Variants in ANK1 observed in about 807,000 individuals in gnomAD.
ANK1 encodes the protein ankyrin-1.
A neutral mutation model predicts 210.4 loss-of-function variants in ANK1; 51 were observed. The observed-to-expected ratio is 0.24, with a 90% confidence interval of 0.19 to 0.31. The LOEUF is 0.31. Ranked by LOEUF, ANK1 falls within the 10% of genes least tolerant of loss-of-function variation. The probability of loss-of-function intolerance (pLI) is 1.00; values close to 1 mark genes in which losing one functional copy is unlikely to be tolerated. For synonymous variants in ANK1, 967 were observed against 1,025.9 expected (o/e 0.94, Z 1.10); for missense variants, 2,051 against 2,504.4 (o/e 0.82, Z 3.86).
chr8:41,683,818 G>A (rs1040372854), intron 37 of ANK1, among the ~76,000 whole-genome samples: 1 of 152,166 alleles, frequency 6.6e-6, no homozygotes, highest in Non-Finnish European at 1.5e-5. Flanking sequence ...GGAAGGTGTT[G>A]CGAGGGGGCC....
Position 41,704,957 on chromosome 8 carries a change from C to T in ANK1, c.2098-485G>A, listed in dbSNP as rs1284312613. ...TGGGGATGTGGAGTCATGGTCACTC[C>T]AATGACAACAGGTTTTTTCCATTAG... is the stretch of plus-strand genomic sequence containing the variant. On this transcript the variant is annotated intron_variant, in intron 18 of 42. Coordinates refer to ENST00000289734, the MANE Select transcript of ANK1 (RefSeq NM_000037.4). The surrounding 1 kb of genome is among the most constrained non-coding windows in gnomAD (Gnocchi z 4.1). 6.6e-6 allele frequency among the ~76,000 whole-genome samples: 1 copy of T among 152,044 alleles called. No individual in the cohort carries two copies. Among genetic ancestry groups the T allele is most frequent in the East Asian group, 1.9e-4 (1 of 5,186 alleles).
chr8:41,846,885 A>T (rs78407017), intron 1 of ANK1, among the ~76,000 whole-genome samples: 1,737 of 152,220 alleles, frequency 0.011, 39 homozygotes, highest in African/African-American at 0.038. Flanking sequence ...GGTCTGTTCC[A>T]CATGGCCCGG....
intron 1 of ANK1, among the ~76,000 whole-genome samples, chr8:41,764,679 A>G (rs1019869973): frequency 6.6e-6 from 1 of 151,848 alleles, no homozygotes; most frequent in African/African-American, 2.4e-5. Flanking sequence ...TCCCCTCCTC[A>G]TCTCTAGCTT....
chr8:41,845,945 A>G (rs1809970315), intron 1 of ANK1, among the ~76,000 whole-genome samples: 1 of 152,034 alleles, frequency 6.6e-6, no homozygotes, highest in African/African-American at 2.4e-5. Context: ...TTTTCCCCCT[A>G]CCTTCTCTCC....
intron 1 of ANK1, among the ~76,000 whole-genome samples, chr8:41,841,698 T>G (rs78767379): frequency 0.015 from 2,257 of 151,616 alleles, 51 homozygotes; most frequent in African/African-American, 0.05. Context: ...CACACAGGGG[T>G]TTTTTTTTGT....
chr8:41,847,227 C>T (rs577232280), intron 1 of ANK1, among the ~76,000 whole-genome samples: 5 of 152,294 alleles, frequency 3.3e-5, no homozygotes, highest in African/African-American at 1.2e-4. Flanking sequence ...TAATGTGAAC[C>T]AGCTGGCTTT....
rs56138651 is a variant in ANK1, at chr8:41,663,114, CTGTGTG to C, written c.5478+539_5478+544del. 6.8e-4 allele frequency among the ~76,000 whole-genome samples: 99 copies of C among 145,234 alleles called. No homozygotes were observed. In the East Asian group the frequency reaches 0.013, roughly 18 times the overall value. ...TGTGTGTGTGTCTCTCTCTCTCTCTCTGTGTGTGTGTGTGTGTGTGTGTGTGTATTT... is the reference window on the plus strand; with the variant it reads ...TGTGTGTGTGTCTCTCTCTCTCTCTCTGTGTGTGTGTGTGTGTGTGTATTT... On this transcript the variant is annotated intron_variant, in intron 40 of 42. Transcript: ENST00000289734.
chr8:41,781,354 C>G (rs1563753685), intron 1 of ANK1, among the ~76,000 whole-genome samples: 1 of 152,244 alleles, frequency 6.6e-6, no homozygotes, highest in East Asian at 1.9e-4. Flanking sequence ...CATTCCCCAA[C>G]TGGAAGGGCT....
intron 1 of ANK1, among the ~76,000 whole-genome samples, chr8:41,817,645 GT>G (rs1190546226): frequency 1.3e-5 from 2 of 152,208 alleles, no homozygotes; most frequent in Non-Finnish European, 2.9e-5. Context: ...GTCTAGAAAA[GT>G]TTTAATAAAC....
rs753549136 is a variant in ANK1 at position 41,699,636 on chromosome 8, T to TG, written c.2462-89dup. The TG allele has an allele frequency of 1.3e-4, 165 of 1,264,170 alleles. No individual in the cohort carries two copies. The East Asian group carries it at 3.7e-3, about 28-fold the overall frequency. The allele number at this position is 1,264,170 out of a possible 1,614,324, so 78.3% of individuals were successfully genotyped here. On this transcript the variant is annotated intron_variant, in intron 22 of 42. Coordinates refer to ENST00000289734, the MANE Select transcript of ANK1 (RefSeq NM_000037.4). ...AAAAGCTCTGTTCCCGCTCCGCCTC[T>TG]GGGGGCTTGCTCCTGAGGAGTGGGG...
At chr8:41,797,780 G>T (rs1415795425), upstream of ANK1, among the ~76,000 whole-genome samples, 1 of 152,026 alleles carries the variant, frequency 6.6e-6, no homozygotes, top group Non-Finnish European at 1.5e-5. This position sits in a 1 kb window ranked among gnomAD's most constrained non-coding sequence, Gnocchi z 4.0. Context: ...ACCCCAGGAG[G>T]CCCCGCTCCC....
chr8:41,726,124 C>CCATCTCCT (rs1232728446), intron 5 of ANK1, among the ~76,000 whole-genome samples, 178 bp from the exon 6 acceptor site: 1 of 152,254 alleles, frequency 6.6e-6, no homozygotes. Flanking sequence ...CTCCCTGAAG[C>CCATCTCCT]CCTTCCTGCC....
chr8:41,748,665 C>T (rs980523455), intron 2 of ANK1, among the ~76,000 whole-genome samples: 2 of 152,192 alleles, frequency 1.3e-5, no homozygotes, highest in African/African-American at 2.4e-5. Flanking sequence ...AGACAAGAAA[C>T]GACATAAGGG....
intron 42 of ANK1, among the ~76,000 whole-genome samples, chr8:41,657,947 T>C (rs1241871690): frequency 6.6e-6 from 1 of 152,204 alleles, no homozygotes; most frequent in Non-Finnish European, 1.5e-5. Context: ...AGTGGTATAA[T>C]CATAGCTCAC....
In ANK1 at chr8:41,690,553, A is replaced by T. The variant is rs779805849; in HGVS notation, c.3905T>A (p.Val1302Glu). 5.6e-5 allele frequency: 90 copies of T among 1,613,834 alleles called. No individual in the cohort carries two copies. Among genetic ancestry groups the T allele is most frequent in the Non-Finnish European group, 4.2e-6 (5 of 1,179,916 alleles). The change falls in exon 32 of 43, where the codon GTG (valine) becomes GAG (glutamate). Residue 1302 changes from valine to glutamate, a missense_variant. By Grantham distance (121) the Val-to-Glu change is moderately radical (BLOSUM62 -2). Around this residue, in one of 6 missense-constraint regions of ANK1, gnomAD observed 1,413 missense variants for 1,707.4 expected, o/e 0.83. Coordinates refer to ENST00000289734, the MANE Select transcript of ANK1 (RefSeq NM_000037.4). ...SLFAELSGNL[V>E]PVKKAAQQRS... ...CTGCTGGGCAGCTTTCTTCACAGGC[A>T]CCAGGTTCCCAGAGAGTTCTGCAAA...
intron 1 of ANK1, among the ~76,000 whole-genome samples, chr8:41,804,234 G>A (rs1254471281): frequency 6.6e-6 from 1 of 152,114 alleles, no homozygotes; most frequent in Non-Finnish European, 1.5e-5. Context: ...CTCACCTCAT[G>A]GACCTCCCAT....
At chr8:41,856,655 G>A in intron 1 of ANK1, among the ~76,000 whole-genome samples, 1 of 152,106 alleles carries the variant, frequency 6.6e-6, no homozygotes, top group East Asian at 1.9e-4. Flanking sequence ...GGAACATTTT[G>A]AGTGCCAACA....
rs181192401 is a variant in ANK1 at position 41,762,945 on chromosome 8, C to T, written c.28-4808G>A. On this transcript the variant is annotated intron_variant, in intron 1 of 42. Coordinates refer to ENST00000289734, the MANE Select transcript of ANK1 (RefSeq NM_000037.4). Reference sequence around the variant, plus strand: ...GAATATTTATGACAAACTGGCAGGGCGTGGTGGTTCCTGTAATCTCAGCAC... The same window carrying T: ...GAATATTTATGACAAACTGGCAGGGTGTGGTGGTTCCTGTAATCTCAGCAC... Among the ~76,000 whole-genome samples the T allele has an allele frequency of 2.6e-5, 4 of 152,252 alleles. No individual in the cohort carries two copies. In the East Asian group the frequency reaches 7.7e-4, roughly 29 times the overall value.
chr8:41,874,487 C>T (rs1260984252), intron 1 of ANK1, among the ~76,000 whole-genome samples: 1 of 152,214 alleles, frequency 6.6e-6, no homozygotes, highest in Non-Finnish European at 1.5e-5. Flanking sequence ...CCCCAACCTC[C>T]TCCACCCCAT....
Sources: allele counts gnomAD v4.1 joint callset (sites outside exome capture counted in the v4.1 genomes callset), GRCh38; gene constraint gnomAD v4.1.1; regional missense constraint gnomAD v4.1.1; non-coding constraint Gnocchi (gnomAD v3.1); transcripts MANE v1.5; gene names NCBI Gene and HGNC (gene_info 2026-07-23, HGNC 2026-07-21).